RIT2: variants seen among roughly 807,000 people sequenced by gnomAD.
RIT2 encodes the protein Ras like without CAAX 2, also known as GTP-binding protein Rit2.
A neutral mutation model predicts 23.7 loss-of-function variants in RIT2; 24 were observed. The observed-to-expected ratio is 1.01, with a 90% CI of 0.73 to 1.43. RIT2 has a LOEUF of 1.43. Ranked by LOEUF, RIT2 falls within the 40% of genes most tolerant of loss-of-function variation. The probability of loss-of-function intolerance (pLI) is 0.00; values close to 1 mark genes in which losing one functional copy is unlikely to be tolerated. For missense variants in RIT2, 236 were observed against 266.9 expected (o/e 0.88, Z 0.81); for synonymous variants, 107 against 91.1 (o/e 1.17, Z -0.99).
chr18:43,054,835 C>T (rs564690131), intron 1 of RIT2, among the ~76,000 whole-genome samples: 6 of 152,148 alleles, frequency 3.9e-5, no homozygotes, highest in South Asian at 4.1e-4. Flanking sequence ...ACTCCCATGA[C>T]GCATTCATAA....
At chr18:42,974,915 G>C (rs1383091655) in intron 2 of RIT2, among the ~76,000 whole-genome samples, 1 of 152,056 alleles carries the variant, frequency 6.6e-6, no homozygotes, top group Non-Finnish European at 1.5e-5. Context: ...ACAAAATATT[G>C]AAAGACATTT....
intron 4 of RIT2, among the ~76,000 whole-genome samples, chr18:42,839,236 A>G (rs1161434997): frequency 1.3e-5 from 2 of 152,180 alleles, no homozygotes; most frequent in African/African-American, 4.8e-5. Context: ...CCCCTAATGC[A>G]TAACTATAGA....
intron 4 of RIT2, among the ~76,000 whole-genome samples, chr18:42,865,454 T>C (rs1188559423): frequency 3.9e-5 from 6 of 152,218 alleles, no homozygotes; most frequent in Admixed American, 3.9e-4. Context: ...CATAGCAATG[T>C]ATAAACATAT....
intron 3 of RIT2, among the ~76,000 whole-genome samples, chr18:42,960,143 T>C (rs1910063120): frequency 6.6e-6 from 1 of 152,210 alleles, no homozygotes; most frequent in Admixed American, 6.5e-5. Flanking sequence ...AAGGGCTACT[T>C]TTCTCGGCAT....
intron 4 of RIT2, among the ~76,000 whole-genome samples, chr18:42,829,340 A>G (rs1568006941): frequency 6.6e-6 from 1 of 152,196 alleles, no homozygotes. Flanking sequence ...ATGCTATAAA[A>G]CACGCATCTC....
Position 42,997,924 on chromosome 18 carries a change from T to A in RIT2, c.161-23777A>T, listed in dbSNP as rs114359909. On this transcript the variant is annotated intron_variant, in intron 2 of 4. Transcript: ENST00000326695. The stretch of plus-strand genomic sequence containing the variant: ...AGAGTTATTTTTCCATGTCCTTGAC[T>A]ACTGTATTGAGAGAGAGAGAATTTC... Among the ~76,000 whole-genome samples, 1,223 of 152,234 alleles carry A rather than the reference T, an allele frequency of 8.0e-3. 27 individuals are homozygous for A. Among genetic ancestry groups the A allele is most frequent in the African/African-American group, 0.028 (1,157 of 41,552 alleles).
At chr18:43,065,465 ATT>A (rs1263643258) in intron 1 of RIT2, among the ~76,000 whole-genome samples, 2 of 151,534 alleles carry the variant, frequency 1.3e-5, no homozygotes, top group Non-Finnish European at 2.9e-5. Flanking sequence ...TTAACTAGAC[ATT>A]TTTTTCTGTT....
intron 4 of RIT2, among the ~76,000 whole-genome samples, chr18:42,896,518 C>T (rs527402976): frequency 6.6e-6 from 1 of 151,856 alleles, no homozygotes; most frequent in Non-Finnish European, 1.5e-5. Flanking sequence ...GTGGTATTCT[C>T]TTTTCTTTCT....
intron 2 of RIT2, among the ~76,000 whole-genome samples, chr18:43,029,096 C>A (rs997568793): frequency 3.3e-5 from 5 of 152,100 alleles, no homozygotes; most frequent in African/African-American, 1.2e-4. Context: ...GTTTTTTAAG[C>A]TTCCCAAGTC....
chr18:42,969,664 A>G (rs1042477458), intron 3 of RIT2, among the ~76,000 whole-genome samples: 4 of 150,912 alleles, frequency 2.7e-5, no homozygotes, highest in African/African-American at 9.8e-5. Flanking sequence ...TGGATATGTT[A>G]GCATTTCAAA....
At position 42,923,730 on chromosome 18, in the gene RIT2, G is replaced by T; in HGVS notation, c.268C>A (p.Arg90=). ...CAGATGATGAAGCCTTCCCCACCTC[G>T]CATGTACTGCTCCCGCATGGCTGTG... ...EFTAMREQYM[R]GGEGFIICYS... is the part of the protein sequence containing the mutation. The change falls in exon 4 of 5, where the codon CGA becomes AGA. Residue 90 remains arginine, a synonymous_variant. Transcript: ENST00000326695. The T allele has an allele frequency of 1.2e-6, 2 of 1,610,002 alleles. No homozygotes were observed. The highest frequency in any genetic ancestry group is 1.4e-5 in the African/African-American group (1 of 73,546).
intron 3 of RIT2, among the ~76,000 whole-genome samples, chr18:42,934,383 A>G (rs1568033975): frequency 6.6e-6 from 1 of 152,216 alleles, no homozygotes; most frequent in Non-Finnish European, 1.5e-5. Flanking sequence ...TTAAAATTGC[A>G]TATTCAACTA....
chr18:42,996,688 C>T lies in RIT2; in HGVS notation c.161-22541G>A, dbSNP rs545567038. 7.8e-4 allele frequency among the ~76,000 whole-genome samples: 118 copies of T among 151,966 alleles called. 1 individual carries two copies. Among genetic ancestry groups the T allele is most frequent in the African/African-American group, 2.6e-3 (108 of 41,434 alleles). ...ACCTACCCAAATCTTATAAAACGGC[C>T]TCACCCCTATCTCCCTTCGCTGACT... On this transcript the variant is annotated intron_variant, in intron 2 of 4. Coordinates refer to ENST00000326695, the MANE Select transcript of RIT2 (RefSeq NM_002930.4).
intron 1 of RIT2, among the ~76,000 whole-genome samples, chr18:43,035,794 C>G (rs1402606398): frequency 1.3e-5 from 2 of 152,202 alleles, no homozygotes; most frequent in Admixed American, 1.3e-4. Context: ...CGGCTATACA[C>G]CCGCCTTAGT....
intron 3 of RIT2, among the ~76,000 whole-genome samples, chr18:42,953,074 A>G (rs1173398127): frequency 1.3e-5 from 2 of 151,692 alleles, no homozygotes; most frequent in Non-Finnish European, 2.9e-5. Flanking sequence ...AATCTACAAA[A>G]TCAGTCTCAT....
intron 4 of RIT2, among the ~76,000 whole-genome samples, chr18:42,752,130 C>T (rs192804510): frequency 3.7e-4 from 56 of 151,872 alleles, no homozygotes; most frequent in African/African-American, 1.3e-3. Context: ...TATTATGGTC[C>T]ATTTGAAGGT....
intron 1 of RIT2, among the ~76,000 whole-genome samples, chr18:43,111,522 A>T (rs1203201423): frequency 3.3e-5 from 5 of 152,220 alleles, no homozygotes; most frequent in African/African-American, 1.2e-4. Flanking sequence ...TGATTATTAT[A>T]CACTGTATGC....
At chr18:42,808,441 G>A (rs1184189334) in intron 4 of RIT2, among the ~76,000 whole-genome samples, 2 of 152,108 alleles carry the variant, frequency 1.3e-5, no homozygotes, top group African/African-American at 4.8e-5. Flanking sequence ...TTAAAGGGAA[G>A]ATCCACAGTT....
chr18:42,795,222 C>T (rs1344235473), intron 4 of RIT2, among the ~76,000 whole-genome samples: 4 of 152,238 alleles, frequency 2.6e-5, no homozygotes, highest in African/African-American at 7.2e-5. Flanking sequence ...GGAGCCCACT[C>T]TCTCAGCTTG....
Sources: gnomAD v4.1 joint callset for allele counts (sites outside exome capture counted in the v4.1 genomes callset) on GRCh38, gnomAD v4.1.1 for gene constraint, MANE v1.5 for transcripts, NCBI Gene and HGNC (gene_info 2026-07-23, HGNC 2026-07-21) for gene names.